The following ITGA6 variants were observed in gnomAD, a reference collection of about 807,000 sequenced individuals.
ITGA6 encodes the protein integrin alpha-6.
A neutral mutation model predicts 133.6 loss-of-function variants in ITGA6; 63 were observed. The ratio of observed to expected loss-of-function variants is 0.47; its 90% CI spans 0.38 to 0.58. The LOEUF is 0.58. Among genes scored for constraint, ITGA6 ranks in the 20% least tolerant of loss-of-function variants. ITGA6 has a pLI of 0.00. For synonymous variants in ITGA6, 434 were observed against 482.0 expected (o/e 0.90, Z 1.30); for missense variants, 1,068 against 1,309.4 (o/e 0.82, Z 2.85).
chr2:172,501,515 A>C (rs1348748134), intron 24 of ITGA6, among the ~76,000 whole-genome samples: 3 of 152,242 alleles, frequency 2.0e-5, no homozygotes, highest in Non-Finnish European at 2.9e-5. Context: ...TTTTGTCCAC[A>C]AGATTTCTGT....
intron 1 of ITGA6, among the ~76,000 whole-genome samples, chr2:172,445,349 T>TTG (rs1423501848): frequency 6.7e-6 from 1 of 148,810 alleles, no homozygotes; most frequent in Non-Finnish European, 1.5e-5. Context: ...TTTTTTTTTT[T>TTG]TTAACAAAAA....
chr2:172,453,603 G>T (rs1685095784), intron 1 of ITGA6, among the ~76,000 whole-genome samples: 1 of 152,208 alleles, frequency 6.6e-6, no homozygotes, highest in African/African-American at 2.4e-5. Flanking sequence ...GGAGCATGTG[G>T]CTTACTGGTA....
intron 11 of ITGA6, among the ~76,000 whole-genome samples, chr2:172,482,119 C>T (rs758190625): frequency 1.3e-5 from 2 of 152,184 alleles, no homozygotes; most frequent in African/African-American, 2.4e-5. Flanking sequence ...AATTAATCAC[C>T]TATATAAAAT....
At position 172,485,184 on chromosome 2, in the gene ITGA6, A is replaced by T. The variant is rs772240201; in HGVS notation, c.1774A>T (p.Ser592Cys). The part of the protein sequence containing the change: ...ITASVEIQEP[S>C]SRRRVNSLPE... ...TGCCTCAGTGGAGATCCAAGAGCCA[A>T]GCTCTCGTAGGCGAGTGAATTCACT... Residue 592 changes from serine to cysteine, a missense_variant, in exon 13 of 26, where the codon AGC (serine) becomes TGC (cysteine). Physicochemically the swap from Ser to Cys is moderately radical, Grantham distance 112 (BLOSUM62 -1). This residue lies in a region of ITGA6 where 609 missense variants were observed against 707.2 expected (regional missense o/e 0.86). Coordinates refer to ENST00000684293, the MANE Select transcript of ITGA6 (RefSeq NM_000210.4). 2 of 1,613,740 alleles carry T rather than the reference A, an allele frequency of 1.2e-6. No individual in the cohort carries two copies. Among genetic ancestry groups the T allele is most frequent in the Non-Finnish European group, 1.7e-6 (2 of 1,179,570 alleles).
At chr2:172,471,780 T>C (rs979491862) in intron 5 of ITGA6, among the ~76,000 whole-genome samples, 1 of 152,122 alleles carries the variant, frequency 6.6e-6, no homozygotes, top group South Asian at 2.1e-4. Flanking sequence ...TTATGGTAAT[T>C]ACACAAAGGC....
Position 172,505,407 on chromosome 2 carries a change from T to A in ITGA6, c.*1339T>A, listed in dbSNP as rs565937964. ...CTGAATCTGCTACCAAAACAGTTAA[T>A]CAGTGAGTCGATGTTCTATTTTTTG... On this transcript the variant is annotated 3_prime_UTR_variant, in exon 26 of 26. Coordinates refer to ENST00000684293, the MANE Select transcript of ITGA6 (RefSeq NM_000210.4). 8.5e-5 allele frequency: 13 copies of A among 152,356 alleles called. No individual in the cohort carries two copies. The South Asian group carries it at 2.7e-3, about 32-fold the overall frequency. 9.4% of individuals were successfully genotyped at this position (152,356 alleles called of 1,614,324 possible).
intron 1 of ITGA6, among the ~76,000 whole-genome samples, chr2:172,458,725 A>G (rs562731099): frequency 1.3e-5 from 2 of 152,332 alleles, no homozygotes; most frequent in South Asian, 2.1e-4. Flanking sequence ...GATGAGAGCT[A>G]GCAGCATAAA....
upstream of ITGA6, chr2:172,427,499 G>C (rs1206612265): frequency 1.2e-5 from 13 of 1,101,242 alleles, no homozygotes; most frequent in Non-Finnish European, 1.2e-5. Context: ...GCCGGGCCGC[G>C]GGCGCGCAAG....
At chr2:172,448,950 T>A (rs563063029) in intron 1 of ITGA6, among the ~76,000 whole-genome samples, 2 of 152,326 alleles carry the variant, frequency 1.3e-5, no homozygotes, top group Admixed American at 1.3e-4. Flanking sequence ...TTAGGGGTCT[T>A]GAAGGCAAAA....
intron 1 of ITGA6, among the ~76,000 whole-genome samples, chr2:172,433,533 C>G (rs771332387): frequency 3.3e-5 from 5 of 152,144 alleles, no homozygotes; most frequent in African/African-American, 1.2e-4. Context: ...CTAGTATCCT[C>G]GCACATTAGA....
intron 9 of ITGA6, among the ~76,000 whole-genome samples, chr2:172,477,767 A>G (rs1316883331): frequency 6.6e-6 from 1 of 152,202 alleles, no homozygotes; most frequent in Non-Finnish European, 1.5e-5. Context: ...TTATTTTACA[A>G]ATGAGGAAAC....
chr2:172,428,694 G>C (rs1683983225), intron 1 of ITGA6: 1 of 152,184 alleles, frequency 6.6e-6, no homozygotes, highest in Admixed American at 6.5e-5. Context: ...CTCCTGCGTT[G>C]GGCGGGCACA....
chr2:172,470,838 C>A, intron 4 of ITGA6, 136 bp from the exon 5 acceptor site: 1 of 813,924 alleles, frequency 1.2e-6, no homozygotes, highest in Non-Finnish European at 2.0e-6. Context: ...TAAAAGTCAT[C>A]TCTGTCCTTC....
At chr2:172,480,141 G>T in intron 11 of ITGA6, 90 bp downstream of exon 11, 1 of 766,344 alleles carries the variant, frequency 1.3e-6, no homozygotes, top group Non-Finnish European at 2.3e-6. Context: ...AACTGCAGTG[G>T]CCAACATGGG....
intron 13 of ITGA6, 96 bp from the exon 14 acceptor site, chr2:172,486,927 A>C: frequency 4.1e-6 from 3 of 737,904 alleles, no homozygotes. Flanking sequence ...ATTGTCACAC[A>C]GGGAAATGAA....
intron 10 of ITGA6, 65 bp downstream of exon 10, chr2:172,479,804 A>G (rs1344422658): frequency 2.9e-5 from 41 of 1,432,656 alleles, no homozygotes; most frequent in East Asian, 1.4e-4. Flanking sequence ...TGATGACTCT[A>G]TTGTCCTGAG....
At chr2:172,430,096 G>A (rs956912241) in intron 1 of ITGA6, among the ~76,000 whole-genome samples, 3 of 152,124 alleles carry the variant, frequency 2.0e-5, no homozygotes, top group Non-Finnish European at 4.4e-5. Context: ...ATTCCTTCTC[G>A]GCCTTTTATT....
Position 172,505,036 on chromosome 2 carries a change from G to A in ITGA6, c.*968G>A, listed in dbSNP as rs1369203940. The A allele has an allele frequency of 6.6e-6, 1 of 152,480 alleles. No individual in the cohort carries two copies. Among genetic ancestry groups the A allele is most frequent in the African/African-American group, 2.4e-5 (1 of 41,400 alleles). The allele number at this position is 152,480 out of a possible 1,614,324, so 9.4% of individuals were successfully genotyped here. A position where few individuals can be genotyped will look rare whatever the true frequency, so the allele number is the denominator to read the frequency against. ...ATCACTTTGACCTAAATTATTTACT[G>A]CAAAAAGAAAATCTTTATAAATGTA... On this transcript the variant is annotated 3_prime_UTR_variant, in exon 26 of 26. Transcript: ENST00000684293.
intron 1 of ITGA6, among the ~76,000 whole-genome samples, chr2:172,435,903 A>G (rs1279033767): frequency 6.6e-6 from 1 of 152,130 alleles, no homozygotes; most frequent in Non-Finnish European, 1.5e-5. Context: ...TGTTGAGATT[A>G]CAAGCGTGAG....
Sources: gnomAD v4.1 joint callset for allele counts (sites outside exome capture counted in the v4.1 genomes callset) on GRCh38, gnomAD v4.1.1 for gene constraint, gnomAD v4.1.1 regional missense constraint, MANE v1.5 for transcripts, NCBI Gene and HGNC (gene_info 2026-07-23, HGNC 2026-07-21) for gene names.